Variants in UNC13C observed in about 807,000 individuals in gnomAD.
UNC13C encodes protein unc-13 homolog C.
UNC13C carries 174 observed loss-of-function variants against 245.4 expected under a neutral mutation model. The observed-to-expected ratio is 0.71, with a 90% CI of 0.63 to 0.80. The LOEUF is 0.80. Among genes scored for constraint, UNC13C ranks in the 30% least tolerant of loss-of-function variants. The pLI, the probability that UNC13C is intolerant of heterozygous loss-of-function variation, is 0.00. For missense variants in UNC13C, 2,829 were observed against 2,602.9 expected, an observed-to-expected ratio of 1.09 and a Z score of -1.89; for synonymous variants, 992 against 895.1, an observed-to-expected ratio of 1.11 and a Z score of -1.93.
At chr15:54,355,556 C>T (rs2039076598) in intron 17 of UNC13C, among the ~76,000 whole-genome samples, 2 of 152,050 alleles carry the variant, frequency 1.3e-5, no homozygotes. Context: ...CGGGGTTTCA[C>T]CATGTTGGCC....
intron 19 of UNC13C, among the ~76,000 whole-genome samples, chr15:54,451,006 T>C (rs1891141873): frequency 1.3e-5 from 2 of 152,206 alleles, no homozygotes; most frequent in African/African-American, 4.8e-5. Flanking sequence ...TTACTGTGTA[T>C]AGTATTTTTG....
At chr15:54,160,465 G>T (rs1036968050) in intron 4 of UNC13C, among the ~76,000 whole-genome samples, 6 of 150,802 alleles carry the variant, frequency 4.0e-5, no homozygotes, top group African/African-American at 1.5e-4. Context: ...ATAAGTTGTT[G>T]ATCACTCCAG....
At chr15:54,558,211 C>T (rs964365303) in intron 29 of UNC13C, among the ~76,000 whole-genome samples, 3 of 152,008 alleles carry the variant, frequency 2.0e-5, no homozygotes, top group African/African-American at 7.2e-5. Context: ...ATGTAACTAA[C>T]CTGCACATTG....
At chr15:54,435,461 G>T (rs2040962620) in intron 19 of UNC13C, among the ~76,000 whole-genome samples, 1 of 151,914 alleles carries the variant, frequency 6.6e-6, no homozygotes, top group Admixed American at 6.6e-5. Context: ...ATCATTCTCA[G>T]CAAACTAACA....
chr15:54,416,311 C>G (rs1020481324), intron 19 of UNC13C, among the ~76,000 whole-genome samples: 1 of 152,032 alleles, frequency 6.6e-6, no homozygotes, highest in Admixed American at 6.6e-5. Flanking sequence ...AATAGCTTTC[C>G]TGTACCAGGT....
At chr15:54,595,986 T>G (rs927814912) in intron 30 of UNC13C, among the ~76,000 whole-genome samples, 2 of 152,140 alleles carry the variant, frequency 1.3e-5, no homozygotes, top group Non-Finnish European at 2.9e-5. Context: ...AAAATGCCTT[T>G]AAGAATTTGA....
intron 17 of UNC13C, among the ~76,000 whole-genome samples, chr15:54,363,952 C>G (rs942002271): frequency 1.3e-5 from 2 of 152,142 alleles, no homozygotes; most frequent in Non-Finnish European, 1.5e-5. Context: ...AAAAGCCCAA[C>G]AAGTGTCATA....
At chr15:54,050,955 T>C (rs765036995) in intron 2 of UNC13C, 21 of 528,978 alleles carry the variant, frequency 4.0e-5, no homozygotes, top group Admixed American at 1.2e-4. Context: ...GGCAATTGCT[T>C]TCATATAGCT....
chr15:54,129,350 T>C (rs542861783), intron 2 of UNC13C, among the ~76,000 whole-genome samples: 2 of 152,368 alleles, frequency 1.3e-5, no homozygotes, highest in East Asian at 3.9e-4. Context: ...TCACATACTT[T>C]CTTTTCTGAT....
chr15:54,594,620 G>A (rs191781706), intron 30 of UNC13C, among the ~76,000 whole-genome samples: 314 of 152,236 alleles, frequency 2.1e-3, no homozygotes, highest in Non-Finnish European at 3.7e-3. Context: ...AAAGTCGACC[G>A]TCACAGGCCT....
chr15:54,116,103 C>T (rs758233035), intron 2 of UNC13C, among the ~76,000 whole-genome samples: 12 of 151,696 alleles, frequency 7.9e-5, no homozygotes, highest in East Asian at 1.9e-4. Context: ...TCTCCTTGCC[C>T]GCCCCCTCAC....
intron 30 of UNC13C, among the ~76,000 whole-genome samples, chr15:54,580,926 T>G (rs1898172450): frequency 6.6e-6 from 1 of 152,208 alleles, no homozygotes; most frequent in South Asian, 2.1e-4. Context: ...CTCCATACAC[T>G]CCATGGTTGT....
intron 2 of UNC13C, among the ~76,000 whole-genome samples, chr15:54,064,380 C>G (rs953278635): frequency 1.3e-5 from 2 of 152,188 alleles, no homozygotes; most frequent in Admixed American, 1.3e-4. Flanking sequence ...GAACCTGTCT[C>G]TAGCTCACTT....
At chr15:54,077,619 C>A (rs901212257) in intron 2 of UNC13C, among the ~76,000 whole-genome samples, 2 of 151,986 alleles carry the variant, frequency 1.3e-5, no homozygotes, top group Non-Finnish European at 2.9e-5. Context: ...GATCTGCCCA[C>A]CTAGGCCTCC....
At position 54,015,688 on chromosome 15, in the gene UNC13C, A is replaced by T; in HGVS notation, c.2785A>T (p.Met929Leu). ...DEGYDGPADD[M>L]VSEEGLEPLN... ...GGGTTATGATGGTCCAGCAGATGAT[A>T]TGGTTAGTGAAGAGGGGTTAGAACC... The change falls in exon 2 of 33, where the codon ATG (methionine) becomes TTG (leucine). Residue 929 changes from methionine (M) to leucine (L), a missense_variant. Met to Leu is a conservative substitution (Grantham distance 15, BLOSUM62 2). Transcript: ENST00000260323. 6.2e-7 allele frequency: 1 copy of T among 1,613,744 alleles called. No individual in the cohort carries two copies.
chr15:54,162,072 T>A (rs573419537), intron 4 of UNC13C, among the ~76,000 whole-genome samples: 1 of 152,322 alleles, frequency 6.6e-6, no homozygotes, highest in South Asian at 2.1e-4. Flanking sequence ...TGCTCTCTAG[T>A]CATTAGGAAA....
intron 30 of UNC13C, among the ~76,000 whole-genome samples, chr15:54,603,159 T>C (rs576081974): frequency 6.6e-6 from 1 of 152,314 alleles, no homozygotes; most frequent in Non-Finnish European, 1.5e-5. Context: ...TCATGGTAAA[T>C]GTTTTCCTTG....
intron 4 of UNC13C, among the ~76,000 whole-genome samples, chr15:54,146,630 T>C (rs1220891059): frequency 2.6e-5 from 4 of 152,180 alleles, no homozygotes; most frequent in Admixed American, 1.3e-4. Context: ...CAAGAGAAAG[T>C]AGGAAAGATA....
intron 2 of UNC13C, among the ~76,000 whole-genome samples, chr15:54,040,636 T>G (rs2141032607): frequency 6.6e-6 from 1 of 152,302 alleles, no homozygotes; most frequent in Admixed American, 6.5e-5. Context: ...GGCTATTAAC[T>G]TCCAGCTTGC....
Sources: gnomAD v4.1 joint callset for allele counts (sites outside exome capture counted in the v4.1 genomes callset) on GRCh38, gnomAD v4.1.1 for gene constraint, MANE v1.5 for transcripts, NCBI Gene and HGNC (gene_info 2026-07-23, HGNC 2026-07-21) for gene names.